Variants in ATF6 observed in about 807,000 individuals in gnomAD.
ATF6 encodes cyclic AMP-dependent transcription factor ATF-6 alpha.
ATF6 carries 53 observed loss-of-function variants against 83.6 expected under a neutral mutation model. The observed-to-expected ratio is 0.63, with a 90% CI of 0.51 to 0.80. ATF6 has a LOEUF of 0.80. ATF6 is among the 30% of genes least tolerant of loss of function. The probability of loss-of-function intolerance (pLI) is 0.00; values close to 1 mark genes in which losing one functional copy is unlikely to be tolerated. For missense variants in ATF6, 744 were observed against 797.9 expected (o/e 0.93, Z 0.81); for synonymous variants, 288 against 285.8 (o/e 1.01, Z -0.08).
At chr1:161,821,041 A>G in intron 8 of ATF6, 29 bp from the exon 9 acceptor site, 1 of 1,491,092 alleles carries the variant, frequency 6.7e-7, no homozygotes, top group Admixed American at 2.0e-5. Context: ...TGTTAGTTTA[A>G]TTGTATTTAA....
At chr1:161,833,182 G>C (rs1434835821) in intron 9 of ATF6, among the ~76,000 whole-genome samples, 10 of 152,214 alleles carry the variant, frequency 6.6e-5, no homozygotes, top group Admixed American at 2.0e-4. Context: ...CAACAGACCT[G>C]AAGCTGAGGG....
intron 15 of ATF6, among the ~76,000 whole-genome samples, chr1:161,913,166 T>C (rs1688025641): frequency 6.6e-6 from 1 of 152,048 alleles, no homozygotes; most frequent in African/African-American, 2.4e-5. Context: ...AATCGGAGAG[T>C]TGGCCATCTT....
intron 13 of ATF6, among the ~76,000 whole-genome samples, chr1:161,862,897 A>T (rs569451979): frequency 1.8e-4 from 28 of 152,312 alleles, no homozygotes; most frequent in African/African-American, 6.3e-4. Context: ...CCTATGCAGA[A>T]ATCTCTCTAT....
At chr1:161,943,355 C>T (rs1362959043) in intron 15 of ATF6, among the ~76,000 whole-genome samples, 1 of 152,194 alleles carries the variant, frequency 6.6e-6, no homozygotes, top group Non-Finnish European at 1.5e-5. Flanking sequence ...CCTGCTTCCA[C>T]TTTGCCTTCT....
intron 6 of ATF6, among the ~76,000 whole-genome samples, chr1:161,795,765 T>C (rs1685002968): frequency 6.6e-6 from 1 of 152,222 alleles, no homozygotes; most frequent in African/African-American, 2.4e-5. Context: ...AGTAACTATG[T>C]TCAGCTGCTA....
At chr1:161,798,775 G>C (rs57983533) in intron 6 of ATF6, among the ~76,000 whole-genome samples, 1 of 152,060 alleles carries the variant, frequency 6.6e-6, no homozygotes, top group African/African-American at 2.4e-5. Context: ...ACCCCATTAA[G>C]AAGTGGGCAA....
chr1:161,890,514 T>C (rs1245109368), intron 14 of ATF6, among the ~76,000 whole-genome samples: 1 of 152,248 alleles, frequency 6.6e-6, no homozygotes, highest in Non-Finnish European at 1.5e-5. Context: ...CGCCTTGCCA[T>C]TGACAGGTCT....
intron 14 of ATF6, among the ~76,000 whole-genome samples, chr1:161,869,991 G>A (rs1687087057): frequency 6.7e-6 from 1 of 150,230 alleles, no homozygotes; most frequent in Non-Finnish European, 1.5e-5. Context: ...ATTAGAACTA[G>A]GGCAATAATT....
At chr1:161,883,800 G>C (rs746521963) in intron 14 of ATF6, among the ~76,000 whole-genome samples, 5 of 151,938 alleles carry the variant, frequency 3.3e-5, no homozygotes, top group Non-Finnish European at 7.4e-5. Flanking sequence ...CTCATTTTCA[G>C]ATGAAGCCTG....
At chr1:161,831,972 C>T (rs192268442) in intron 9 of ATF6, among the ~76,000 whole-genome samples, 5 of 148,418 alleles carry the variant, frequency 3.4e-5, no homozygotes, top group Non-Finnish European at 7.4e-5. Context: ...GAAAAATTTC[C>T]AGAGATACAG....
At chr1:161,789,702 T>C (rs2101738373) in intron 4 of ATF6, among the ~76,000 whole-genome samples, 1 of 152,338 alleles carries the variant, frequency 6.6e-6, no homozygotes, top group African/African-American at 2.4e-5. Flanking sequence ...GTATAATTAC[T>C]GATAGCTTTT....
In ATF6 at chr1:161,935,551, C is replaced by G. The variant is rs1688520105; in HGVS notation, c.1805-22895C>G. The stretch of plus-strand genomic sequence containing the variant: ...GTTTTTATAAGCCATCCTGTCTATA[C>G]AGTTTGTCACAGCAGCCTGAACAGA... On this transcript the variant is annotated intron_variant, in intron 15 of 15. Transcript: ENST00000367942. 4.6e-5 allele frequency among the ~76,000 whole-genome samples: 7 copies of G among 152,354 alleles called. No homozygotes were observed. The South Asian group carries it at 1.4e-3, about 32-fold the overall frequency.
chr1:161,810,132 A>G (rs1199846386), intron 7 of ATF6, among the ~76,000 whole-genome samples: 1 of 152,190 alleles, frequency 6.6e-6, no homozygotes, highest in African/African-American at 2.4e-5. Context: ...CATAATCAGC[A>G]TCCTATATTA....
chr1:161,923,094 C>T (rs1349108101), intron 15 of ATF6, among the ~76,000 whole-genome samples: 2 of 152,170 alleles, frequency 1.3e-5, no homozygotes, highest in South Asian at 2.1e-4. Flanking sequence ...TTCTGTGGAC[C>T]ACTAGAATAC....
chr1:161,812,532 A>G lies in ATF6; in HGVS notation c.910-7101A>G, dbSNP rs1221952493. Among the ~76,000 whole-genome samples, 8 of 149,818 alleles carry G rather than the reference A, an allele frequency of 5.3e-5. 1 individual carries two copies. The highest frequency in any genetic ancestry group is 1.5e-4 in the African/African-American group (6 of 41,172). ...CTCAGCCTCCCAAGTAGCTGGGACT[A>G]CAGGCGCCCGCCACTACGCCCGGCT... is the stretch of plus-strand genomic sequence containing the variant. On this transcript the variant is annotated intron_variant, in intron 7 of 15. Coordinates refer to ENST00000367942, the MANE Select transcript of ATF6 (RefSeq NM_007348.4).
intron 14 of ATF6, among the ~76,000 whole-genome samples, chr1:161,887,247 C>CTTT (rs5778239): frequency 2.4e-4 from 34 of 143,826 alleles, no homozygotes; most frequent in African/African-American, 8.6e-4. Context: ...AATTTTTGTG[C>CTTT]TTTTTTTTTT....
At chr1:161,845,924 T>C (rs1266457520) in intron 9 of ATF6, among the ~76,000 whole-genome samples, 1 of 152,150 alleles carries the variant, frequency 6.6e-6, no homozygotes, top group Non-Finnish European at 1.5e-5. Context: ...TAGAAGTTTT[T>C]ACATATAAAT....
At chr1:161,780,315 C>T (rs1181264518) in intron 2 of ATF6, among the ~76,000 whole-genome samples, 4 of 151,742 alleles carry the variant, frequency 2.6e-5, no homozygotes, top group African/African-American at 9.7e-5. Flanking sequence ...AACAAATGGT[C>T]GTTACCAATT....
intron 15 of ATF6, among the ~76,000 whole-genome samples, chr1:161,915,047 C>T (rs1025047896): frequency 6.6e-6 from 1 of 152,150 alleles, no homozygotes; most frequent in African/African-American, 2.4e-5. Flanking sequence ...AAGAATTTCT[C>T]ACCTTCTCTT....
Sources: gnomAD v4.1 joint callset for allele counts (sites outside exome capture counted in the v4.1 genomes callset) on GRCh38, gnomAD v4.1.1 for gene constraint, MANE v1.5 for transcripts, NCBI Gene and HGNC (gene_info 2026-07-23, HGNC 2026-07-21) for gene names.